Variants in CBLN2 observed in about 807,000 individuals in gnomAD.
CBLN2 encodes cerebellin-2.
A neutral mutation model predicts 15.0 loss-of-function variants in CBLN2; 7 were observed. The observed-to-expected ratio is 0.47, with a 90% CI of 0.27 to 0.88. The LOEUF is 0.88. CBLN2 is among the 40% of genes least tolerant of loss of function. CBLN2 has a pLI of 0.14. For missense variants in CBLN2, 242 were observed against 304.5 expected, an observed-to-expected ratio of 0.79 and a Z score of 1.53; for synonymous variants, 149 against 135.2, an observed-to-expected ratio of 1.10 and a Z score of -0.71.
intron 1 of CBLN2, chr18:72,620,130 G>C (rs1185648174): frequency 2.6e-5 from 4 of 152,312 alleles, no homozygotes. Flanking sequence ...GTGCCACAAT[G>C]CTCTTTCAGC....
chr18:72,630,478 G>A (rs751189638), intron 1 of CBLN2, among the ~76,000 whole-genome samples: 1 of 144,088 alleles, frequency 6.9e-6, no homozygotes, highest in Non-Finnish European at 1.5e-5. Context: ...GATTACATTG[G>A]TGATATCTAC....
At chr18:72,630,702 C>G (rs1010748365) in intron 1 of CBLN2, among the ~76,000 whole-genome samples, 1 of 152,002 alleles carries the variant, frequency 6.6e-6, no homozygotes, top group Admixed American at 6.6e-5. Flanking sequence ...GATTTGTAGT[C>G]CAGTGTCCTT....
intron 1 of CBLN2, among the ~76,000 whole-genome samples, chr18:72,574,136 A>G (rs1381704271): frequency 6.6e-6 from 1 of 151,986 alleles, no homozygotes; most frequent in Non-Finnish European, 1.5e-5. Flanking sequence ...TGAGTTGTTC[A>G]TTTTGTTTAT....
chr18:72,559,408 C>A (rs1454871094), intron 1 of CBLN2, among the ~76,000 whole-genome samples: 1 of 152,196 alleles, frequency 6.6e-6, no homozygotes, highest in African/African-American at 2.4e-5. Context: ...TCAAGAAAGG[C>A]CTGTGCCAGG....
In CBLN2 at chr18:72,538,224, C is replaced by G. The variant is rs771463589; in HGVS notation, c.627G>C (p.Gly209=). The change falls in exon 5 of 5, where the codon GGG becomes GGC. Residue 209 remains glycine (G), a synonymous_variant. Transcript: ENST00000269503. ...HLKLERGNLM[G]GWKYSTFSGF... is the part of the protein sequence containing the mutation. The stretch of plus-strand genomic sequence containing the variant: ...CCGAGAATGTGGAGTATTTCCAGCC[C>G]CCCATGAGGTTGCCTCTCTCAAGTT... The G allele has an allele frequency of 6.2e-7, 1 of 1,614,100 alleles. No individual in the cohort carries two copies. Among genetic ancestry groups the G allele is most frequent in the Admixed American group, 1.7e-5 (1 of 60,010 alleles).
At chr18:72,582,788 C>T (rs141692968) in intron 1 of CBLN2, among the ~76,000 whole-genome samples, 2 of 152,268 alleles carry the variant, frequency 1.3e-5, no homozygotes, top group African/African-American at 4.8e-5. Flanking sequence ...TCAGATTAAA[C>T]CCCAGTGGAA....
chr18:72,633,044 G>A (rs180887662), intron 1 of CBLN2, among the ~76,000 whole-genome samples: 25 of 152,186 alleles, frequency 1.6e-4, no homozygotes, highest in Admixed American at 1.3e-3. Context: ...TGAAAAAGTC[G>A]CTTCGATTGT....
chr18:72,562,621 T>C (rs2069269073), intron 1 of CBLN2, among the ~76,000 whole-genome samples: 1 of 152,228 alleles, frequency 6.6e-6, no homozygotes, highest in African/African-American at 2.4e-5. Flanking sequence ...CTCACTATTT[T>C]GTTTTACTTT....
At chr18:72,628,432 C>A (rs2069754311) in intron 1 of CBLN2, among the ~76,000 whole-genome samples, 1 of 152,166 alleles carries the variant, frequency 6.6e-6, no homozygotes. Flanking sequence ...AGCTGTCATT[C>A]AGGACCAATC....
intron 1 of CBLN2, among the ~76,000 whole-genome samples, chr18:72,624,174 A>G (rs2069718986): frequency 1.3e-5 from 2 of 152,034 alleles, no homozygotes; most frequent in Non-Finnish European, 2.9e-5. Context: ...TCAGAGATCA[A>G]TGAGGGTTAA....
At chr18:72,590,571 C>T (rs2069474252) in intron 1 of CBLN2, among the ~76,000 whole-genome samples, 1 of 152,018 alleles carries the variant, frequency 6.6e-6, no homozygotes. Flanking sequence ...AAAACAACAA[C>T]AACAAAACAC....
At chr18:72,540,208 C>T (rs1329620006) in intron 3 of CBLN2, 1 of 152,182 alleles carries the variant, frequency 6.6e-6, no homozygotes, top group East Asian at 1.9e-4. Flanking sequence ...GCCTCTGGAG[C>T]TGCTTCTTCC....
At chr18:72,562,206 T>C (rs1292275811) in intron 1 of CBLN2, among the ~76,000 whole-genome samples, 1 of 151,978 alleles carries the variant, frequency 6.6e-6, no homozygotes, top group Admixed American at 6.6e-5. Context: ...TGATACGGGG[T>C]GTGAGGAGCA....
At chr18:72,621,514 G>A (rs555346719) in intron 1 of CBLN2, among the ~76,000 whole-genome samples, 234 of 152,152 alleles carry the variant, frequency 1.5e-3, no homozygotes, top group African/African-American at 5.4e-3. Context: ...TTTTTGGATT[G>A]ACTTTATTAC....
At chr18:72,542,385 G>A in intron 2 of CBLN2, 59 bp from the exon 3 acceptor site, 1 of 251,592 alleles carries the variant, frequency 4.0e-6, no homozygotes, top group Non-Finnish European at 7.3e-6. Context: ...GGGAAGAAGG[G>A]GGACTGGGAG....
intron 1 of CBLN2, among the ~76,000 whole-genome samples, chr18:72,610,697 A>T (rs2069615910): frequency 6.6e-6 from 1 of 152,206 alleles, no homozygotes; most frequent in Non-Finnish European, 1.5e-5. Flanking sequence ...TCCAAGACAC[A>T]AACCCAGTGG....
At chr18:72,618,416 C>A in intron 1 of CBLN2, 2 of 605,956 alleles carry the variant, frequency 3.3e-6, no homozygotes, top group South Asian at 3.1e-5. Flanking sequence ...GAGATCCAAA[C>A]ACCAAGAGCT....
chr18:72,597,219 T>A (rs1445898674), intron 1 of CBLN2, among the ~76,000 whole-genome samples: 12 of 152,164 alleles, frequency 7.9e-5, no homozygotes, highest in Admixed American at 7.9e-4. Flanking sequence ...GTGATCTAAG[T>A]CTTTGGTCAC....
intron 1 of CBLN2, among the ~76,000 whole-genome samples, chr18:72,612,959 G>T (rs879313146): frequency 1.3e-5 from 2 of 152,190 alleles, no homozygotes; most frequent in African/African-American, 4.8e-5. Flanking sequence ...CTTCCCAAGG[G>T]CTGGGAGGGA....
Sources: allele counts gnomAD v4.1 joint callset (sites outside exome capture counted in the v4.1 genomes callset), GRCh38; gene constraint gnomAD v4.1.1; transcripts MANE v1.5; gene names NCBI Gene and HGNC (gene_info 2026-07-23, HGNC 2026-07-21).